GOLIM4: variants seen among roughly 807,000 people sequenced by gnomAD.
The protein encoded by GOLIM4 is 130 kDa golgi-localized phosphoprotein.
In GOLIM4, 71 loss-of-function variants were observed where a neutral mutation model predicts 107.4. The observed-to-expected ratio is 0.66, with a 90% confidence interval of 0.55 to 0.81. GOLIM4 has a LOEUF of 0.81. Ranked by LOEUF, GOLIM4 falls within the 30% of genes least tolerant of loss-of-function variation. The probability of loss-of-function intolerance (pLI) is 0.00; values close to 1 mark genes in which losing one functional copy is unlikely to be tolerated. For missense variants in GOLIM4, 830 were observed against 826.1 expected (o/e 1.00, Z -0.06); for synonymous variants, 327 against 294.8 (o/e 1.11, Z -1.12).
At chr3:168,041,763 A>G (rs1719016938) in intron 5 of GOLIM4, among the ~76,000 whole-genome samples, 2 of 152,148 alleles carry the variant, frequency 1.3e-5, no homozygotes, top group African/African-American at 4.8e-5. Context: ...ATGAGATGTT[A>G]ATGTCAATAA....
chr3:168,034,575 A>G (rs1718530654), intron 8 of GOLIM4, among the ~76,000 whole-genome samples: 1 of 152,178 alleles, frequency 6.6e-6, no homozygotes, highest in Non-Finnish European at 1.5e-5. Flanking sequence ...ACTTGGAGGA[A>G]AGTTTTCTCA....
chr3:168,027,884 G>C (rs1409939144), intron 11 of GOLIM4, 47 bp from the exon 12 acceptor site: 2 of 1,227,316 alleles, frequency 1.6e-6, no homozygotes. Flanking sequence ...AATCAAACAG[G>C]ATTTCCCTTT....
chr3:168,082,669 CAAAGAG>C (rs1374751817), intron 1 of GOLIM4, among the ~76,000 whole-genome samples: 1 of 151,912 alleles, frequency 6.6e-6, no homozygotes, highest in Non-Finnish European at 1.5e-5. Context: ...TTGGTTTTGT[CAAAGAG>C]AAAGTAGAGA....
intron 1 of GOLIM4, among the ~76,000 whole-genome samples, chr3:168,075,742 T>C (rs924840755): frequency 8.5e-5 from 13 of 152,180 alleles, no homozygotes; most frequent in African/African-American, 2.2e-4. Context: ...ATAAAAAGCA[T>C]GTCAAGACGA....
chr3:168,067,291 A>G (rs1378119368), intron 1 of GOLIM4, among the ~76,000 whole-genome samples: 1 of 152,134 alleles, frequency 6.6e-6, no homozygotes, highest in Non-Finnish European at 1.5e-5. Context: ...TTATGAATGA[A>G]GAATACTAGC....
Position 168,010,744 on chromosome 3 carries a change from T to C in GOLIM4, c.1940A>G (p.Asn647Ser). 6.3e-7 allele frequency: 1 copy of C among 1,599,776 alleles called. No homozygotes were observed. The highest frequency in any genetic ancestry group is 1.1e-5 in the South Asian group (1 of 90,806). Reference sequence around the variant, plus strand: ...TAGAAATATGTATCCCGGTCATACATTTTCATCATTTTCACCATAGGTCTC... The same window carrying C: ...TAGAAATATGTATCCCGGTCATACACTTTCATCATTTTCACCATAGGTCTC... ...AEETYGENDE[N>S]TDDKNNDGEE... The change falls in exon 15 of 16, where the codon AAT becomes AGT. Residue 647 changes from asparagine (N) to serine (S), a missense_variant and splice_region_variant. Asn to Ser is a conservative substitution (Grantham distance 46). Coordinates refer to ENST00000470487, the MANE Select transcript of GOLIM4 (RefSeq NM_014498.5).
At chr3:168,036,725 T>C (rs753101191) in intron 8 of GOLIM4, 111 bp downstream of exon 8, 102 of 779,108 alleles carry the variant, frequency 1.3e-4, no homozygotes, top group Non-Finnish European at 1.9e-4. Context: ...ATACTAAAAT[T>C]TGAGAACTAC....
Position 168,095,420 on chromosome 3 carries a change from C to G in GOLIM4, c.-135G>C. On this transcript the variant is annotated 5_prime_UTR_variant, in exon 1 of 16. Transcript: ENST00000470487. Reference sequence around the variant, plus strand: ...AGGAGATGCCAGACACAAAAGCCGGCCCGGAGGGGAAGTGGCGCCCGCTCA... The same window carrying G: ...AGGAGATGCCAGACACAAAAGCCGGGCCGGAGGGGAAGTGGCGCCCGCTCA... 5.8e-6 allele frequency: 4 copies of G among 692,750 alleles called. No homozygotes were observed. Among genetic ancestry groups the G allele is most frequent in the Non-Finnish European group, 9.3e-6 (4 of 430,944 alleles). The allele number at this position is 692,750 out of a possible 1,614,324, so 42.9% of individuals were successfully genotyped here.
chr3:168,059,980 AG>A (rs1399771623), intron 1 of GOLIM4, among the ~76,000 whole-genome samples: 1 of 152,194 alleles, frequency 6.6e-6, no homozygotes, highest in African/African-American at 2.4e-5. Flanking sequence ...AGAGTGACTG[AG>A]GCAGGGTGAG....
intron 1 of GOLIM4, among the ~76,000 whole-genome samples, chr3:168,058,608 C>T (rs1025365910): frequency 1.3e-5 from 2 of 152,122 alleles, no homozygotes; most frequent in African/African-American, 4.8e-5. Context: ...TGAGAAGAGG[C>T]TAAGACAGGT....
At chr3:168,044,303 C>T (rs565151979) in intron 4 of GOLIM4, among the ~76,000 whole-genome samples, 1 of 152,278 alleles carries the variant, frequency 6.6e-6, no homozygotes, top group East Asian at 1.9e-4. Context: ...GCATGCTGCC[C>T]GTCTCTTCCA....
At chr3:168,086,586 TGACA>T (rs1721642360) in intron 1 of GOLIM4, among the ~76,000 whole-genome samples, 1 of 152,216 alleles carries the variant, frequency 6.6e-6, no homozygotes. Context: ...TCCTTCAGAA[TGACA>T]GCACATCTTA....
intron 14 of GOLIM4, among the ~76,000 whole-genome samples, chr3:168,011,414 T>C (rs1717021808): frequency 1.3e-5 from 2 of 152,094 alleles, no homozygotes; most frequent in African/African-American, 4.8e-5. Flanking sequence ...ATCTCGCTGA[T>C]TGCCAGCACA....
At chr3:168,021,195 C>A (rs551977605) in intron 14 of GOLIM4, among the ~76,000 whole-genome samples, 2 of 152,244 alleles carry the variant, frequency 1.3e-5, no homozygotes, top group African/African-American at 4.8e-5. Context: ...TGTCTATTAA[C>A]ACCTTTCTTT....
chr3:168,058,398 T>C (rs932241879), intron 1 of GOLIM4, among the ~76,000 whole-genome samples: 2 of 152,212 alleles, frequency 1.3e-5, no homozygotes, highest in Admixed American at 6.5e-5. Context: ...GCTGTTCTTT[T>C]TGGCATTCTT....
At chr3:168,080,341 G>A (rs1456707516) in intron 1 of GOLIM4, among the ~76,000 whole-genome samples, 3 of 152,234 alleles carry the variant, frequency 2.0e-5, no homozygotes, top group Middle Eastern at 3.4e-3. Flanking sequence ...ATAATATCTT[G>A]TAAGACACAA....
At chr3:168,016,852 T>C (rs1447634473) in intron 14 of GOLIM4, among the ~76,000 whole-genome samples, 3 of 139,730 alleles carry the variant, frequency 2.1e-5, no homozygotes, top group East Asian at 4.0e-4. Context: ...TGAGATCACA[T>C]GGACACAGGA....
chr3:168,056,083 T>C (rs1422443321), intron 1 of GOLIM4, among the ~76,000 whole-genome samples: 1 of 152,226 alleles, frequency 6.6e-6, no homozygotes. Flanking sequence ...GAGGAAAAAG[T>C]GGTTTCATGG....
At chr3:168,056,190 T>A (rs780732286) in intron 1 of GOLIM4, among the ~76,000 whole-genome samples, 3 of 152,206 alleles carry the variant, frequency 2.0e-5, no homozygotes, top group Non-Finnish European at 4.4e-5. Context: ...AACATAGAGC[T>A]TGGGCTATGG....
Sources: allele counts gnomAD v4.1 joint callset (sites outside exome capture counted in the v4.1 genomes callset), GRCh38; gene constraint gnomAD v4.1.1; transcripts MANE v1.5; gene names NCBI Gene and HGNC (gene_info 2026-07-23, HGNC 2026-07-21).